CSMD1: variants seen among roughly 807,000 people sequenced by gnomAD.
CSMD1 encodes CUB and Sushi multiple domains 1.
In CSMD1, 213 loss-of-function variants were observed where a neutral mutation model predicts 417.5. The ratio of observed to expected loss-of-function variants is 0.51; its 90% CI spans 0.46 to 0.57. The LOEUF is 0.57. CSMD1 is among the 20% of genes least tolerant of loss of function. The pLI, the probability that CSMD1 is intolerant of heterozygous loss-of-function variation, is 0.00. For missense variants in CSMD1, 6,923 were observed against 4,529.7 expected (o/e 1.53, Z -15.17); for synonymous variants, 2,862 against 1,736.8 (o/e 1.65, Z -16.11).
intron 5 of CSMD1, chr8:3,950,100 A>T: frequency 2.3e-6 from 1 of 430,274 alleles, no homozygotes; most frequent in Non-Finnish European, 4.6e-6. Context: ...CTTAAAGGCA[A>T]TGATAATAAT....
intron 3 of CSMD1, among the ~76,000 whole-genome samples, chr8:4,247,158 C>T (rs765072929): frequency 6.6e-6 from 1 of 152,132 alleles, no homozygotes; most frequent in East Asian, 1.9e-4. Flanking sequence ...CTTTCTTTTC[C>T]GCATCTTTTT....
At chr8:4,439,082 C>A (rs1798313841) in intron 2 of CSMD1, among the ~76,000 whole-genome samples, 1 of 152,116 alleles carries the variant, frequency 6.6e-6, no homozygotes, top group Non-Finnish European at 1.5e-5. Flanking sequence ...CATCCTATTT[C>A]ATCTGTATTA....
intron 14 of CSMD1, among the ~76,000 whole-genome samples, chr8:3,407,577 G>C (rs1812432559): frequency 6.6e-6 from 1 of 151,644 alleles, no homozygotes; most frequent in African/African-American, 2.4e-5. Flanking sequence ...TTTGGTGGGT[G>C]CATGGATGGA....
intron 1 of CSMD1, among the ~76,000 whole-genome samples, chr8:4,750,549 G>A (rs548343394): frequency 1.3e-5 from 2 of 152,160 alleles, no homozygotes; most frequent in Non-Finnish European, 2.9e-5. Flanking sequence ...AATTTTATCA[G>A]CATAGGTCAG....
intron 5 of CSMD1, among the ~76,000 whole-genome samples, chr8:3,976,094 G>C (rs909982030): frequency 6.6e-6 from 1 of 151,754 alleles, no homozygotes; most frequent in African/African-American, 2.4e-5. Context: ...TCACGAACTT[G>C]TAAGAATCTA....
At chr8:4,424,647 C>A (rs928829840) in intron 2 of CSMD1, among the ~76,000 whole-genome samples, 6 of 152,000 alleles carry the variant, frequency 3.9e-5, no homozygotes, top group Admixed American at 3.3e-4. Flanking sequence ...CAGAAAACTT[C>A]CGAAGAAGTT....
At chr8:4,452,296 A>G (rs561590607) in intron 2 of CSMD1, among the ~76,000 whole-genome samples, 1 of 152,286 alleles carries the variant, frequency 6.6e-6, no homozygotes, top group South Asian at 2.1e-4. Flanking sequence ...CTTAACAACT[A>G]TTTAGGTGAA....
intron 23 of CSMD1, among the ~76,000 whole-genome samples, chr8:3,311,480 C>T (rs1805341915): frequency 6.6e-6 from 1 of 152,086 alleles, no homozygotes; most frequent in African/African-American, 2.4e-5. Flanking sequence ...AAACTCCTGA[C>T]CTCAAGTGAT....
chr8:4,747,734 T>G (rs1414151421), intron 1 of CSMD1, among the ~76,000 whole-genome samples: 2 of 152,158 alleles, frequency 1.3e-5, no homozygotes, highest in Non-Finnish European at 2.9e-5. Flanking sequence ...GAGATGCCAA[T>G]GTCCTGTGGC....
At chr8:4,207,889 T>C (rs995886930) in intron 3 of CSMD1, among the ~76,000 whole-genome samples, 3 of 152,134 alleles carry the variant, frequency 2.0e-5, no homozygotes, top group Non-Finnish European at 4.4e-5. Flanking sequence ...TTAGTCCTCA[T>C]GGAGCAACAA....
intron 37 of CSMD1, among the ~76,000 whole-genome samples, chr8:3,171,847 A>G (rs1477421239): frequency 6.6e-6 from 1 of 152,222 alleles, no homozygotes; most frequent in Non-Finnish European, 1.5e-5. Context: ...TAGAGGATAT[A>G]AGTGTGCTCA....
rs777109327 is a variant in CSMD1, at chr8:2,962,520, T to C, written c.9574A>G (p.Arg3192Gly). 6 of 1,613,944 alleles carry C rather than the reference T, an allele frequency of 3.7e-6. No individual in the cohort carries two copies. The highest frequency in any genetic ancestry group is 5.1e-6 in the Non-Finnish European group (6 of 1,179,858). ...KSPFILVGSS[R>G]RVCQADGTWS... ...GTGCCGTCAGCTTGGCAGACTCTTC[T>C]GGAGGATCCCACGAGTATAAATGGA... is the stretch of plus-strand genomic sequence containing the variant. Residue 3192 changes from arginine (R) to glycine (G), a missense_variant, in exon 61 of 70, where the codon AGA becomes GGA. Coordinates refer to ENST00000635120, the MANE Select transcript of CSMD1 (RefSeq NM_033225.6).
At chr8:4,942,577 T>C (rs1012512909) in intron 1 of CSMD1, among the ~76,000 whole-genome samples, 1 of 152,252 alleles carries the variant, frequency 6.6e-6, no homozygotes. Context: ...AAAGTGTGAC[T>C]TCACTCTAAT....
intron 2 of CSMD1, among the ~76,000 whole-genome samples, chr8:4,451,511 T>TA (rs1799143688): frequency 6.6e-6 from 1 of 152,140 alleles, no homozygotes; most frequent in Admixed American, 6.6e-5. Flanking sequence ...CAAGTTTTCT[T>TA]ATCACAAAAA....
At chr8:4,336,670 G>A (rs1292517714) in intron 3 of CSMD1, among the ~76,000 whole-genome samples, 1 of 152,100 alleles carries the variant, frequency 6.6e-6, no homozygotes, top group Non-Finnish European at 1.5e-5. Context: ...TCACATCTGT[G>A]ACATAGTCCT....
intron 1 of CSMD1, among the ~76,000 whole-genome samples, chr8:4,822,481 C>T (rs1020863508): frequency 1.3e-5 from 2 of 151,924 alleles, no homozygotes; most frequent in African/African-American, 4.8e-5. Context: ...GGATTGTAAC[C>T]CGATGGAGAT....
intron 1 of CSMD1, among the ~76,000 whole-genome samples, chr8:4,821,379 A>C (rs1799515063): frequency 6.6e-6 from 1 of 152,174 alleles, no homozygotes; most frequent in South Asian, 2.1e-4. Context: ...AGGTGCGTTT[A>C]TCCCCATAAA....
At chr8:3,345,178 C>G (rs919220481) in intron 22 of CSMD1, among the ~76,000 whole-genome samples, 2 of 152,176 alleles carry the variant, frequency 1.3e-5, no homozygotes, top group Admixed American at 1.3e-4. Context: ...ACTGTAGGTT[C>G]ATCCGCTCTC....
rs796630124 is a variant in CSMD1 at position 3,865,661 on chromosome 8, C to T, written c.819-111619G>A. Among the ~76,000 whole-genome samples the T allele has an allele frequency of 1.8e-4, 27 of 152,226 alleles. 2 individuals are homozygous for T. In the South Asian group the frequency reaches 5.2e-3, roughly 29 times the overall value. On this transcript the variant is annotated intron_variant, in intron 5 of 69. Transcript: ENST00000635120. ...ACATCATCGATGAAATTCCATCAGT[C>T]CTGTTAAGTACCAGGCACTGTTCTA...
Sources: gnomAD v4.1 joint callset for allele counts (sites outside exome capture counted in the v4.1 genomes callset) on GRCh38, gnomAD v4.1.1 for gene constraint, MANE v1.5 for transcripts, NCBI Gene and HGNC (gene_info 2026-07-23, HGNC 2026-07-21) for gene names.